The following DGKB variants were observed in gnomAD, a reference collection of about 807,000 sequenced individuals.
The protein encoded by DGKB is diacylglycerol kinase beta, also known as 90 kDa diacylglycerol kinase.
A neutral mutation model predicts 114.3 loss-of-function variants in DGKB; 67 were observed. The observed-to-expected ratio is 0.59, with a 90% CI of 0.48 to 0.72. The LOEUF (loss-of-function observed/expected upper bound fraction) is 0.72. DGKB is among the 30% of genes least tolerant of loss of function. The pLI is 0.00. For missense variants in DGKB, 907 were observed against 975.2 expected (o/e 0.93, Z 0.93); for synonymous variants, 398 against 323.1 (o/e 1.23, Z -2.49).
intron 2 of DGKB, among the ~76,000 whole-genome samples, chr7:14,783,882 G>A (rs992663053): frequency 9.2e-5 from 14 of 152,222 alleles, no homozygotes; most frequent in African/African-American, 3.1e-4. Flanking sequence ...TTATTATAGA[G>A]TATTTCACAC....
chr7:14,430,251 G>C (rs1416469584), intron 21 of DGKB, among the ~76,000 whole-genome samples: 1 of 152,012 alleles, frequency 6.6e-6, no homozygotes, highest in East Asian at 1.9e-4. Flanking sequence ...CTATGAGATG[G>C]TCTTTTAAAA....
At chr7:14,568,594 G>C (rs997216695) in intron 20 of DGKB, among the ~76,000 whole-genome samples, 1 of 152,192 alleles carries the variant, frequency 6.6e-6, no homozygotes, top group Non-Finnish European at 1.5e-5. Flanking sequence ...ACATAGAGCA[G>C]AGCCTCTCCC....
chr7:14,844,196 C>A (rs1848328583), intron 1 of DGKB, among the ~76,000 whole-genome samples: 1 of 152,196 alleles, frequency 6.6e-6, no homozygotes, highest in Admixed American at 6.5e-5. Context: ...GAAATAGTTG[C>A]TGGCAAGTGC....
At chr7:14,920,340 A>G (rs1419739448) in intron 1 of DGKB, among the ~76,000 whole-genome samples, 1 of 152,234 alleles carries the variant, frequency 6.6e-6, no homozygotes, top group African/African-American at 2.4e-5. Context: ...GGAAAAATAT[A>G]TGAAAGACAC....
chr7:14,873,772 C>A (rs1411257937), intron 1 of DGKB, among the ~76,000 whole-genome samples: 1 of 151,826 alleles, frequency 6.6e-6, no homozygotes, highest in Non-Finnish European at 1.5e-5. Context: ...ATTATAGATT[C>A]ACGATTGCCA....
intron 23 of DGKB, among the ~76,000 whole-genome samples, chr7:14,293,166 T>C (rs961759462): frequency 6.6e-6 from 1 of 152,214 alleles, no homozygotes; most frequent in African/African-American, 2.4e-5. Flanking sequence ...ACATGCATTA[T>C]GTTAACAAAA....
At chr7:14,344,704 A>G (rs1259787749) in intron 22 of DGKB, among the ~76,000 whole-genome samples, 5 of 138,594 alleles carry the variant, frequency 3.6e-5, no homozygotes, top group African/African-American at 1.1e-4. Context: ...TGAGTCCTAC[A>G]GTGTCTTTTT....
chr7:14,316,893 C>G (rs1806657984), intron 23 of DGKB, among the ~76,000 whole-genome samples: 1 of 111,568 alleles, frequency 9.0e-6, no homozygotes, highest in Non-Finnish European at 1.8e-5. Flanking sequence ...CAATAAAATA[C>G]TGGCAAACCG....
intron 23 of DGKB, among the ~76,000 whole-genome samples, chr7:14,295,784 C>T (rs1802439880): frequency 6.6e-6 from 1 of 152,018 alleles, no homozygotes; most frequent in Non-Finnish European, 1.5e-5. Context: ...TATACATGTG[C>T]CATGGTGGTT....
At chr7:14,654,156 T>C (rs1439381324) in intron 13 of DGKB, among the ~76,000 whole-genome samples, 11 of 152,002 alleles carry the variant, frequency 7.2e-5, no homozygotes, top group Non-Finnish European at 7.4e-5. Flanking sequence ...CACAAAAAAC[T>C]CTTATGACTA....
At chr7:14,810,872 G>A (rs1226186546) in intron 2 of DGKB, among the ~76,000 whole-genome samples, 1 of 152,174 alleles carries the variant, frequency 6.6e-6, no homozygotes, top group East Asian at 1.9e-4. Flanking sequence ...GCCTCCCAAA[G>A]TGGTGGGATT....
At chr7:14,871,090 CAAAAAA>C (rs533319937) in intron 1 of DGKB, among the ~76,000 whole-genome samples, 2 of 120 alleles carry the variant, frequency 0.017, no homozygotes, top group African/African-American at 0.017. Context: ...GACTCCGTCT[CAAAAAA>C]AAAAAAAAAA....
At chr7:14,181,025 C>T (rs551503805) in intron 23 of DGKB, among the ~76,000 whole-genome samples, 72 of 151,914 alleles carry the variant, frequency 4.7e-4, no homozygotes, top group Admixed American at 1.4e-3. Context: ...GTATGGCTCA[C>T]AACAATTAAG....
chr7:14,303,565 T>C (rs934068247), intron 23 of DGKB, among the ~76,000 whole-genome samples: 3 of 152,128 alleles, frequency 2.0e-5, no homozygotes, highest in African/African-American at 4.8e-5. Context: ...TACTCTTTGG[T>C]GTTTCTTTGC....
chr7:14,767,499 G>A (rs928033708), intron 2 of DGKB, among the ~76,000 whole-genome samples: 3 of 151,814 alleles, frequency 2.0e-5, no homozygotes, highest in Non-Finnish European at 4.4e-5. Context: ...CATCATCTGT[G>A]CCATCAGGCT....
chr7:14,894,804 T>A (rs1781849270), intron 1 of DGKB, among the ~76,000 whole-genome samples: 1 of 151,542 alleles, frequency 6.6e-6, no homozygotes, highest in Admixed American at 6.6e-5. Context: ...GTCTAGTAGT[T>A]TGGATAGAGT....
At chr7:14,432,639 C>T (rs1391146292) in intron 21 of DGKB, among the ~76,000 whole-genome samples, 1 of 152,120 alleles carries the variant, frequency 6.6e-6, no homozygotes, top group Non-Finnish European at 1.5e-5. Context: ...AATTTATAGA[C>T]AGGAATTGAT....
chr7:14,895,370 G>A (rs959441575), intron 1 of DGKB, among the ~76,000 whole-genome samples: 1 of 151,398 alleles, frequency 6.6e-6, no homozygotes, highest in African/African-American at 2.4e-5. Context: ...GACAGACCAG[G>A]TCTACAATGA....
chr7:14,680,683 G>T (rs1190439869), intron 12 of DGKB, among the ~76,000 whole-genome samples: 2 of 151,980 alleles, frequency 1.3e-5, no homozygotes, highest in African/African-American at 4.8e-5. Context: ...CACTAGCAAT[G>T]GTAACTTTGA....
Sources: allele counts gnomAD v4.1 joint callset (sites outside exome capture counted in the v4.1 genomes callset), GRCh38; gene constraint gnomAD v4.1.1; transcripts MANE v1.5; gene names NCBI Gene and HGNC (gene_info 2026-07-23, HGNC 2026-07-21).